The following DLC1 variants were observed in gnomAD, a reference collection of about 807,000 sequenced individuals.
DLC1 encodes the protein DLC1 Rho GTPase activating protein, also known as rho GTPase-activating protein 7.
A neutral mutation model predicts 140.3 loss-of-function variants in DLC1; 54 were observed. That is an observed-to-expected ratio of 0.38 (90% confidence interval 0.31 to 0.48). The LOEUF is 0.48. DLC1 is among the 20% of genes least tolerant of loss of function. DLC1 has a pLI of 0.96. For synonymous variants in DLC1, 986 were observed against 728.1 expected (o/e 1.35, Z -5.70); for missense variants, 2,536 against 1,907.0 (o/e 1.33, Z -6.14).
intron 5 of DLC1, among the ~76,000 whole-genome samples, chr8:13,258,985 A>C (rs1830370280): frequency 6.6e-6 from 1 of 151,850 alleles, no homozygotes; most frequent in African/African-American, 2.4e-5. Context: ...AAAATACAAA[A>C]AATTAGCCGT....
At chr8:13,128,041 C>CAA (rs34983688) in intron 5 of DLC1, among the ~76,000 whole-genome samples, 27 of 138,582 alleles carry the variant, frequency 1.9e-4, no homozygotes, top group Admixed American at 1.4e-3. Flanking sequence ...TCTAGTAGAA[C>CAA]AAAAAAAAAA....
At chr8:13,586,544 T>A (rs1181579184) in intron 1 of DLC1, among the ~76,000 whole-genome samples, 5 of 151,746 alleles carry the variant, frequency 3.3e-5, no homozygotes, top group Non-Finnish European at 7.4e-5. Flanking sequence ...TGAGTTTTTT[T>A]AATTAGACTT....
At chr8:13,400,834 T>G (rs890325139) in intron 3 of DLC1, among the ~76,000 whole-genome samples, 1 of 152,170 alleles carries the variant, frequency 6.6e-6, no homozygotes, top group African/African-American at 2.4e-5. Flanking sequence ...AGTAAATATG[T>G]AAAGCATATA....
chr8:13,178,359 A>C (rs1825861620), intron 5 of DLC1, among the ~76,000 whole-genome samples: 1 of 152,050 alleles, frequency 6.6e-6, no homozygotes, highest in Non-Finnish European at 1.5e-5. Context: ...TCAGGAGATC[A>C]AGACCATCCT....
At chr8:13,329,987 C>T (rs891099770) in intron 4 of DLC1, among the ~76,000 whole-genome samples, 1 of 152,080 alleles carries the variant, frequency 6.6e-6, no homozygotes, top group Non-Finnish European at 1.5e-5. Flanking sequence ...CATTTAGAGA[C>T]AGAATTTTGC....
chr8:13,210,090 C>T (rs1827866865), intron 5 of DLC1, among the ~76,000 whole-genome samples: 1 of 152,062 alleles, frequency 6.6e-6, no homozygotes, highest in Non-Finnish European at 1.5e-5. Flanking sequence ...TTTTTTCTTA[C>T]TCTCAAATTT....
chr8:13,333,281 A>C (rs755928982), intron 4 of DLC1, among the ~76,000 whole-genome samples: 12 of 152,184 alleles, frequency 7.9e-5, no homozygotes, highest in Non-Finnish European at 1.8e-4. Context: ...GCTGGAGTGC[A>C]GTGGCACAAT....
In DLC1 at chr8:13,122,323, T is replaced by C. The variant is rs562484543; in HGVS notation, c.1349-6666A>G. Among the ~76,000 whole-genome samples, 3 of 152,310 alleles carry C rather than the reference T, an allele frequency of 2.0e-5. No individual in the cohort carries two copies. The East Asian group carries it at 5.8e-4, about 29-fold the overall frequency. On this transcript the variant is annotated intron_variant, in intron 5 of 17. Transcript: ENST00000276297. ...GCTTGCTCCAGGCTTTCCAAACTCC[T>C]TGGAGTTCTGAGGACGTACCAAGCT...
chr8:13,259,139 GA>G (rs776038964), intron 5 of DLC1, among the ~76,000 whole-genome samples: 12,069 of 66,950 alleles, frequency 0.18, 445 homozygotes, highest in South Asian at 0.31. Flanking sequence ...TCCGTCTCAA[GA>G]AAAAAAAAAA....
intron 5 of DLC1, among the ~76,000 whole-genome samples, chr8:13,128,865 T>C (rs1225803246): frequency 6.6e-6 from 1 of 151,062 alleles, no homozygotes; most frequent in African/African-American, 2.4e-5. Flanking sequence ...AGAAAATATA[T>C]AAGCTTAATG....
intron 4 of DLC1, among the ~76,000 whole-genome samples, chr8:13,323,598 T>C (rs960712603): frequency 4.6e-5 from 7 of 152,212 alleles, no homozygotes; most frequent in African/African-American, 1.7e-4. Flanking sequence ...AAGTAGGAAC[T>C]ATATACAGAA....
chr8:13,130,019 G>A (rs1050988328), intron 5 of DLC1, among the ~76,000 whole-genome samples: 2 of 152,096 alleles, frequency 1.3e-5, no homozygotes, highest in African/African-American at 4.8e-5. Flanking sequence ...CCAGCACAAG[G>A]CTCTCTTCCA....
At chr8:13,531,431 C>A (rs1803093023) in intron 1 of DLC1, among the ~76,000 whole-genome samples, 1 of 152,034 alleles carries the variant, frequency 6.6e-6, no homozygotes, top group South Asian at 2.1e-4. Flanking sequence ...ACTAAAAACA[C>A]AAAAATTAGC....
At chr8:13,418,131 T>C (rs1838157038) in intron 2 of DLC1, among the ~76,000 whole-genome samples, 1 of 152,162 alleles carries the variant, frequency 6.6e-6, no homozygotes, top group Admixed American at 6.6e-5. Flanking sequence ...GTCAGATGAG[T>C]AGGCTGCGAA....
chr8:13,143,842 G>GAGAGAGAGAGAGAGAGAGAGAC (rs1186637665), intron 5 of DLC1, among the ~76,000 whole-genome samples: 3 of 146,248 alleles, frequency 2.1e-5, no homozygotes, highest in Non-Finnish European at 3.0e-5. Flanking sequence ...GAGAGAGAGA[G>GAGAGAGAGAGAGAGAGAGAGAC]AGAGAGAGAG....
At chr8:13,233,086 G>A (rs1216950125) in intron 5 of DLC1, among the ~76,000 whole-genome samples, 1 of 152,038 alleles carries the variant, frequency 6.6e-6, no homozygotes, top group Non-Finnish European at 1.5e-5. Flanking sequence ...CTTGAGGCCA[G>A]TAGTTTGAGA....
chr8:13,430,303 A>C (rs1838801765), intron 2 of DLC1, among the ~76,000 whole-genome samples: 2 of 152,204 alleles, frequency 1.3e-5, no homozygotes, highest in African/African-American at 4.8e-5. Context: ...GGCCTTTGAG[A>C]AACAAAGGCC....
intron 1 of DLC1, among the ~76,000 whole-genome samples, chr8:13,545,687 T>C (rs1257215032): frequency 6.6e-6 from 1 of 152,060 alleles, no homozygotes; most frequent in African/African-American, 2.4e-5. Flanking sequence ...GAATTTGGAA[T>C]CTGAATATTA....
At chr8:13,103,732 G>A (rs956801563) in intron 7 of DLC1, among the ~76,000 whole-genome samples, 4 of 151,118 alleles carry the variant, frequency 2.6e-5, no homozygotes, top group South Asian at 4.2e-4. Context: ...CCAGCTACTC[G>A]GGAGGCTGTG....
Sources: allele counts gnomAD v4.1 joint callset (sites outside exome capture counted in the v4.1 genomes callset), GRCh38; gene constraint gnomAD v4.1.1; transcripts MANE v1.5; gene names NCBI Gene and HGNC (gene_info 2026-07-23, HGNC 2026-07-21).